PCDHGB2: variants seen among roughly 807,000 people sequenced by gnomAD.
PCDHGB2 encodes the protein protocadherin gamma subfamily B, 2.
Under a neutral mutation model 59.3 loss-of-function variants are expected in PCDHGB2, and 55 were observed. The ratio of observed to expected loss-of-function variants is 0.93; its 90% CI spans 0.75 to 1.16. PCDHGB2 has a LOEUF of 1.16. Among genes scored for constraint, PCDHGB2 ranks in the 50% most tolerant of loss-of-function variants. PCDHGB2 has a pLI of 0.00. For synonymous variants in PCDHGB2, 516 were observed against 512.0 expected, an observed-to-expected ratio of 1.01 and a Z score of -0.11; for missense variants, 1,228 against 1,198.5, an observed-to-expected ratio of 1.02 and a Z score of -0.36.
chr5:141,421,443 G>A (rs1561793987), intron 1 of PCDHGB2: 4 of 1,614,106 alleles, frequency 2.5e-6, no homozygotes, highest in Non-Finnish European at 2.5e-6. Flanking sequence ...CCAGAGGGAA[G>A]ACACAGCTTT....
In PCDHGB2 at chr5:141,490,803, C is replaced by A; in HGVS notation, c.2422-4004C>A. The A allele has an allele frequency of 6.2e-7, 1 of 1,613,956 alleles. No homozygotes were observed. Among genetic ancestry groups the A allele is most frequent in the South Asian group, 1.1e-5 (1 of 91,080 alleles). On this transcript the variant is annotated intron_variant, in intron 1 of 3. Transcript: ENST00000522605. The surrounding 1 kb of genome is among the most constrained non-coding windows in gnomAD (Gnocchi z 5.4). ...ATGGACGGATCTTTGCCCAGCGTAC[C>A]TTTGACTATGAATTGCTGCAGATGC...
intron 1 of PCDHGB2, chr5:141,385,543 C>G (rs1284826303): frequency 7.6e-7 from 1 of 1,322,422 alleles, no homozygotes; most frequent in Non-Finnish European, 9.7e-7. Context: ...AATATGTGGA[C>G]TATCACATTT....
At position 141,363,833 on chromosome 5, in the gene PCDHGB2, T is replaced by A. The variant is rs533178318; in HGVS notation, c.2421+1277T>A. 4.7e-4 allele frequency among the ~76,000 whole-genome samples: 71 copies of A among 152,330 alleles called. 1 individual carries two copies. In the South Asian group the frequency reaches 4.8e-3, roughly 10 times the overall value. ...AATCCTACAAAGGTAAGAATTTGAA[T>A]GTCCTAATTTAATGGACTAAATATA... is the stretch of plus-strand genomic sequence containing the variant. On this transcript the variant is annotated intron_variant, in intron 1 of 3. Transcript: ENST00000522605.
chr5:141,389,322 G>C lies in PCDHGB2; in HGVS notation c.2421+26766G>C, dbSNP rs752301649. ...AGTCAGGGCTTCTGATCCGGACTTG[G>C]GGCCCAACGGCCAAGTCTCTTACTG... On this transcript the variant is annotated intron_variant, in intron 1 of 3. Transcript: ENST00000522605. 2 of 1,613,984 alleles carry C rather than the reference G, an allele frequency of 1.2e-6. No homozygotes were observed. Among genetic ancestry groups the C allele is most frequent in the East Asian group, 2.2e-5 (1 of 44,880 alleles).
chr5:141,451,521 TAAAGG>T (rs1187561043), intron 1 of PCDHGB2, among the ~76,000 whole-genome samples: 1 of 152,148 alleles, frequency 6.6e-6, no homozygotes, highest in Non-Finnish European at 1.5e-5. Context: ...TTAGAGCAAG[TAAAGG>T]AGAGTGCCAG....
At chr5:141,417,950 GAGCCGATCCGCT>G (rs1361985861) in intron 1 of PCDHGB2, 1 of 1,613,484 alleles carries the variant, frequency 6.2e-7, no homozygotes, top group African/African-American at 1.3e-5. Context: ...CACGCTGTGT[GAGCCGATCCGCT>G]ACTCGATTCC....
intron 1 of PCDHGB2, among the ~76,000 whole-genome samples, chr5:141,457,444 G>T (rs1253183319): frequency 6.6e-6 from 1 of 152,134 alleles, no homozygotes; most frequent in African/African-American, 2.4e-5. Context: ...AGCTGCAGAA[G>T]ATCACCACTT....
chr5:141,373,347 G>A (rs1769499263), intron 1 of PCDHGB2, among the ~76,000 whole-genome samples: 1 of 152,178 alleles, frequency 6.6e-6, no homozygotes. Context: ...GGCAACTCTT[G>A]TAATGGGCAC....
At chr5:141,399,435 A>G (rs568070353) in intron 1 of PCDHGB2, 20 of 1,613,972 alleles carry the variant, frequency 1.2e-5, no homozygotes, top group African/African-American at 9.3e-5. Context: ...GCGTCATCCT[A>G]CATATCAGAG....
At chr5:141,462,833 A>G (rs1488609568) in intron 1 of PCDHGB2, among the ~76,000 whole-genome samples, 1 of 152,082 alleles carries the variant, frequency 6.6e-6, no homozygotes, top group Non-Finnish European at 1.5e-5. Flanking sequence ...GACATTGTAA[A>G]TGTTATATTT....
intron 1 of PCDHGB2, chr5:141,427,178 A>G (rs1175390589): frequency 4.4e-6 from 2 of 456,644 alleles, no homozygotes; most frequent in Admixed American, 2.3e-5. Flanking sequence ...AAAATGGGGA[A>G]ATTAAATCCA....
In PCDHGB2 at chr5:141,410,593, G is replaced by C. The variant is rs921521742; in HGVS notation, c.2421+48037G>C. ...TTCCACCTCATGGTGGGGAGGATTT[G>C]ACTTCACATCCTGAGACTCTGACTT... On this transcript the variant is annotated intron_variant, in intron 1 of 3. Coordinates refer to ENST00000522605, the MANE Select transcript of PCDHGB2 (RefSeq NM_018923.3). The C allele has an allele frequency of 2.5e-6, 4 of 1,608,934 alleles. No individual in the cohort carries two copies. In the African/African-American group the frequency reaches 5.3e-5, roughly 21 times the overall value.
intron 1 of PCDHGB2, chr5:141,405,402 C>T: frequency 6.3e-7 from 1 of 1,589,724 alleles, no homozygotes; most frequent in Non-Finnish European, 8.6e-7. Flanking sequence ...TTCTTTCTTT[C>T]TTTTCTTTTT....
At position 141,477,115 on chromosome 5, in the gene PCDHGB2, A is replaced by G. The variant is rs1218111107; in HGVS notation, c.2422-17692A>G. ...AAGACAAGGGCGCCAATCCCGAAGG[A>G]GCACATTGCAAAGTGTTGGTGGAGG... On this transcript the variant is annotated intron_variant, in intron 1 of 3. Transcript: ENST00000522605. This position sits in a 1 kb window ranked among gnomAD's most constrained non-coding sequence, Gnocchi z 4.9. 1 of 1,614,230 alleles carries G rather than the reference A, an allele frequency of 6.2e-7. No homozygotes were observed. Among genetic ancestry groups the G allele is most frequent in the South Asian group, 1.1e-5 (1 of 91,090 alleles).
At chr5:141,434,117 G>T (rs2097672674) in intron 1 of PCDHGB2, among the ~76,000 whole-genome samples, 1 of 152,126 alleles carries the variant, frequency 6.6e-6, no homozygotes, top group African/African-American at 2.4e-5. Context: ...TGGCCTTTGG[G>T]ACTCCCTTTA....
intron 1 of PCDHGB2, chr5:141,370,924 A>C: frequency 6.2e-7 from 1 of 1,613,968 alleles, no homozygotes; most frequent in Non-Finnish European, 8.5e-7. Context: ...CCTGATCCGC[A>C]CTTCTCTTTG....
At chr5:141,422,588 C>A in intron 1 of PCDHGB2, 1 of 1,614,056 alleles carries the variant, frequency 6.2e-7, no homozygotes, top group South Asian at 1.1e-5. Flanking sequence ...CCCGTTTTTC[C>A]TCACTCCTCT....
At chr5:141,469,425 C>T (rs1035406646) in intron 1 of PCDHGB2, among the ~76,000 whole-genome samples, 1 of 151,622 alleles carries the variant, frequency 6.6e-6, no homozygotes, top group East Asian at 1.9e-4. Context: ...AAATATAAAA[C>T]TTAGCTGGGC....
rs201424832 is a variant in PCDHGB2 at position 141,490,802 on chromosome 5, C to T, written c.2422-4005C>T. On this transcript the variant is annotated intron_variant, in intron 1 of 3. Transcript: ENST00000522605. This position sits in a 1 kb window ranked among gnomAD's most constrained non-coding sequence, Gnocchi z 5.4. Reference sequence around the variant, plus strand: ...GATGGACGGATCTTTGCCCAGCGTACCTTTGACTATGAATTGCTGCAGATG... The same window carrying T: ...GATGGACGGATCTTTGCCCAGCGTATCTTTGACTATGAATTGCTGCAGATG... 1 of 1,613,944 alleles carries T rather than the reference C, an allele frequency of 6.2e-7. No homozygotes were observed. Among genetic ancestry groups the T allele is most frequent in the East Asian group, 2.2e-5 (1 of 44,886 alleles).
Sources: allele counts gnomAD v4.1 joint callset (sites outside exome capture counted in the v4.1 genomes callset), GRCh38; gene constraint gnomAD v4.1.1; non-coding constraint Gnocchi (gnomAD v3.1); transcripts MANE v1.5; gene names NCBI Gene and HGNC (gene_info 2026-07-23, HGNC 2026-07-21).